FITM2: variants seen among roughly 807,000 people sequenced by gnomAD.
FITM2 encodes the protein fat storage inducing transmembrane protein 2.
Under a neutral mutation model 23.3 loss-of-function variants are expected in FITM2, and 16 were observed. The ratio of observed to expected loss-of-function variants is 0.69; its 90% CI spans 0.47 to 1.05. The LOEUF is 1.05. Among genes scored for constraint, FITM2 ranks in the 50% least tolerant of loss-of-function variants. The pLI is 0.00. For missense variants in FITM2, 273 were observed against 327.5 expected (o/e 0.83, Z 1.29); for synonymous variants, 132 against 142.0 (o/e 0.93, Z 0.50).
intron 1 of FITM2, among the ~76,000 whole-genome samples, chr20:44,309,687 G>A (rs1484636160): frequency 6.6e-6 from 1 of 152,120 alleles, no homozygotes; most frequent in Non-Finnish European, 1.5e-5. Flanking sequence ...TATATCCCAG[G>A]ATTCACTAGT....
intron 1 of FITM2, among the ~76,000 whole-genome samples, chr20:44,310,001 A>G (rs571149250): frequency 6.6e-6 from 1 of 152,170 alleles, no homozygotes. Flanking sequence ...ATGGATTCTC[A>G]GGCACCACCC....
At chr20:44,310,737 AC>A (rs2062702584) in intron 1 of FITM2, among the ~76,000 whole-genome samples, 1 of 152,120 alleles carries the variant, frequency 6.6e-6, no homozygotes, top group East Asian at 1.9e-4. Flanking sequence ...CCCGCTTGTC[AC>A]CACCTGCCCA....
At chr20:44,310,886 G>A (rs2062703007) in intron 1 of FITM2, 90 bp downstream of exon 1, 1 of 1,455,394 alleles carries the variant, frequency 6.9e-7, no homozygotes, top group South Asian at 1.4e-5. Context: ...CCAATGACTC[G>A]TCCACCACGG....
At chr20:44,310,632 G>A (rs2062702312) in intron 1 of FITM2, among the ~76,000 whole-genome samples, 1 of 152,192 alleles carries the variant, frequency 6.6e-6, no homozygotes, top group Non-Finnish European at 1.5e-5. Context: ...GCAGGGGTCA[G>A]CTCCTAACTC....
chr20:44,310,340 GC>G (rs2062701573), intron 1 of FITM2, among the ~76,000 whole-genome samples: 1 of 152,204 alleles, frequency 6.6e-6, no homozygotes, highest in South Asian at 2.1e-4. Flanking sequence ...GTCTCAAAGC[GC>G]CCAGCTGGGA....
chr20:44,305,642 G>C lies in FITM2; in HGVS notation c.*983C>G, dbSNP rs2062687523. 1 of 152,008 alleles carries C rather than the reference G, an allele frequency of 6.6e-6. No individual in the cohort carries two copies. Among genetic ancestry groups the C allele is most frequent in the Admixed American group, 6.6e-5 (1 of 15,260 alleles). 9.4% of individuals were successfully genotyped at this position (152,008 alleles called of 1,614,324 possible). A position where few individuals can be genotyped will look rare whatever the true frequency, so the allele number is the denominator to read the frequency against. ...GTTTGAGACCAGCCTGACCAACATGGAGAAACCCCATCTCTACTAAAAATA... is the reference window on the plus strand; with the variant it reads ...GTTTGAGACCAGCCTGACCAACATGCAGAAACCCCATCTCTACTAAAAATA... On this transcript the variant is annotated 3_prime_UTR_variant, in exon 2 of 2. Transcript: ENST00000396825.
chr20:44,306,094 TTG>T lies in FITM2; in HGVS notation c.*529_*530del, dbSNP rs1211739759. 2 of 158,730 alleles carry T rather than the reference TTG, an allele frequency of 1.3e-5. No individual in the cohort carries two copies. Among genetic ancestry groups the T allele is most frequent in the Non-Finnish European group, 2.8e-5 (2 of 71,642 alleles). 9.8% of individuals were successfully genotyped at this position (158,730 alleles called of 1,614,324 possible). A position where few individuals can be genotyped will look rare whatever the true frequency, so the allele number is the denominator to read the frequency against. On this transcript the variant is annotated 3_prime_UTR_variant, in exon 2 of 2. Transcript: ENST00000396825. ...TTTAGAAGAGACGAGGTTCGCCATG[TTG>T]GACAGGCTGGTCTCGAACTCCCAAT...
At chr20:44,307,815 C>T (rs950889636) in intron 1 of FITM2, among the ~76,000 whole-genome samples, 16 of 151,782 alleles carry the variant, frequency 1.1e-4, no homozygotes, top group Admixed American at 3.3e-4. Flanking sequence ...TGGCCGGGCG[C>T]GGTGGCTCAC....
intron 1 of FITM2, among the ~76,000 whole-genome samples, chr20:44,308,694 C>A (rs1457471111): frequency 6.6e-6 from 1 of 152,012 alleles, no homozygotes; most frequent in Non-Finnish European, 1.5e-5. Flanking sequence ...TACCAATGTG[C>A]CTGGCTAATT....
rs540493653 is a variant in FITM2, at chr20:44,309,732, A to G, written c.173+1244T>C. Among the ~76,000 whole-genome samples, 9 of 152,242 alleles carry G rather than the reference A, an allele frequency of 5.9e-5. No homozygotes were observed. The South Asian group carries it at 1.9e-3, about 32-fold the overall frequency. The stretch of plus-strand genomic sequence containing the variant: ...TTAATCAGCACAGAGGCTTGGAACA[A>G]AACTCCAGGATCCATGACTACCTTC... On this transcript the variant is annotated intron_variant, in intron 1 of 1. Transcript: ENST00000396825.
intron 1 of FITM2, 27 bp from the exon 2 acceptor site, chr20:44,307,267 A>G (rs1265635437): frequency 6.2e-6 from 10 of 1,609,758 alleles, no homozygotes; most frequent in Non-Finnish European, 8.5e-6. Context: ...GTGGAAGTGA[A>G]GAGAGGGAAC....
intron 1 of FITM2, 56 bp downstream of exon 1, chr20:44,310,920 C>T (rs1411934261): frequency 2.7e-6 from 4 of 1,495,506 alleles, no homozygotes; most frequent in African/African-American, 1.4e-5. Context: ...CTTCTCTGGG[C>T]GAGGCGACAG....
At chr20:44,308,955 G>T (rs1432100298) in intron 1 of FITM2, among the ~76,000 whole-genome samples, 1 of 151,728 alleles carries the variant, frequency 6.6e-6, no homozygotes, top group Non-Finnish European at 1.5e-5. Flanking sequence ...TACCTCTCCA[G>T]CCCTCAGTTT....
intron 1 of FITM2, among the ~76,000 whole-genome samples, chr20:44,307,969 C>A (rs2062695378): frequency 6.6e-6 from 1 of 152,120 alleles, no homozygotes; most frequent in Admixed American, 6.5e-5. Context: ...CGCCTGTAGT[C>A]CCAACTACTC....
In FITM2 at chr20:44,306,728, C is replaced by G. The variant is rs2062690788; in HGVS notation, c.686G>C (p.Ser229Thr). The change falls in exon 2 of 2, where the codon AGC (serine) becomes ACC (threonine). Residue 229 changes from serine (S) to threonine (T), a missense_variant. By Grantham distance (58) the Ser-to-Thr change is moderately conservative. Around this residue, in one of 3 missense-constraint regions of FITM2, gnomAD observed 117 missense variants for 183.3 expected, o/e 0.64. Transcript: ENST00000396825. ...CCAAAACCCGTATGTCCCGTACCAG[C>G]TCAGCAAACCAAACAAGGTGCCAAA... ...KVFGTLFGLL[S>T]WYGTYGFWYP... The G allele has an allele frequency of 5.0e-6, 8 of 1,614,012 alleles. No individual in the cohort carries two copies. Among genetic ancestry groups the G allele is most frequent in the Non-Finnish European group, 6.8e-6 (8 of 1,180,036 alleles).
chr20:44,303,221 C>T lies in FITM2; in HGVS notation c.*3404G>A, dbSNP rs895555572. The T allele has an allele frequency of 6.6e-6, 1 of 152,184 alleles. No homozygotes were observed. Among genetic ancestry groups the T allele is most frequent in the African/African-American group, 2.4e-5 (1 of 41,450 alleles). 9.4% of individuals were successfully genotyped at this position (152,184 alleles called of 1,614,324 possible). On this transcript the variant is annotated 3_prime_UTR_variant, in exon 2 of 2. Coordinates refer to ENST00000396825, the MANE Select transcript of FITM2 (RefSeq NM_001080472.4). ...CAGGGAGACTATGGCCTGCTAAGCA[C>T]AGATGCTGAGCACTTTACATGCACC...
intron 1 of FITM2, among the ~76,000 whole-genome samples, chr20:44,307,826 G>A (rs1350005591): frequency 2.6e-5 from 4 of 151,708 alleles, no homozygotes; most frequent in South Asian, 2.1e-4. Flanking sequence ...GGTGGCTCAC[G>A]CCTGTAATCC....
rs548153723 is a variant in FITM2, at chr20:44,306,307, A to G, written c.*318T>C. On this transcript the variant is annotated 3_prime_UTR_variant, in exon 2 of 2. Transcript: ENST00000396825. Reference sequence around the variant, plus strand: ...TGGCCACTCCTTTAGCCACACCATAAAGGCTTTCCTGATTCTGCCCTTTTG... The same window carrying G: ...TGGCCACTCCTTTAGCCACACCATAGAGGCTTTCCTGATTCTGCCCTTTTG... 1.5e-5 allele frequency: 5 copies of G among 332,808 alleles called. No individual in the cohort carries two copies. The highest frequency in any genetic ancestry group is 1.4e-4 in the South Asian group (5 of 35,610). 20.6% of individuals were successfully genotyped at this position (332,808 alleles called of 1,614,324 possible).
chr20:44,308,595 G>A (rs767627932), intron 1 of FITM2, among the ~76,000 whole-genome samples: 1 of 152,138 alleles, frequency 6.6e-6, no homozygotes, highest in Admixed American at 6.5e-5. Flanking sequence ...GCGTGCAGTG[G>A]CACAATCACA....
Sources: gnomAD v4.1 joint callset for allele counts (sites outside exome capture counted in the v4.1 genomes callset) on GRCh38, gnomAD v4.1.1 for gene constraint, gnomAD v4.1.1 regional missense constraint, MANE v1.5 for transcripts, NCBI Gene and HGNC (gene_info 2026-07-23, HGNC 2026-07-21) for gene names.